CLYBL: variants seen among roughly 807,000 people sequenced by gnomAD.
The protein encoded by CLYBL is citramalyl-CoA lyase.
A neutral mutation model predicts 38.9 loss-of-function variants in CLYBL; 31 were observed. That is an observed-to-expected ratio of 0.80 (90% CI 0.60 to 1.08). The LOEUF is 1.08. Among genes scored for constraint, CLYBL ranks in the 50% least tolerant of loss-of-function variants. CLYBL has a pLI of 0.00. For missense variants in CLYBL, 434 were observed against 411.6 expected (o/e 1.05, Z -0.47); for synonymous variants, 171 against 158.6 (o/e 1.08, Z -0.59).
intron 2 of CLYBL, among the ~76,000 whole-genome samples, chr13:99,811,936 C>G (rs1204068318): frequency 6.6e-6 from 1 of 152,174 alleles, no homozygotes; most frequent in Non-Finnish European, 1.5e-5. Flanking sequence ...CAACTAGTCA[C>G]TGATATTTAT....
downstream of CLYBL, among the ~76,000 whole-genome samples, chr13:99,900,257 A>G (rs867512487): frequency 6.6e-6 from 1 of 152,140 alleles, no homozygotes; most frequent in African/African-American, 2.4e-5. Flanking sequence ...TAGATGAAGT[A>G]TATGCTCTCA....
chr13:99,818,543 T>A (rs1306851659), intron 2 of CLYBL, among the ~76,000 whole-genome samples: 2 of 152,014 alleles, frequency 1.3e-5, no homozygotes, highest in Non-Finnish European at 2.9e-5. Context: ...AAGGCACTAC[T>A]ATTATGCTAA....
intron 1 of CLYBL, among the ~76,000 whole-genome samples, chr13:99,643,456 C>T (rs1409201639): frequency 6.6e-6 from 1 of 152,142 alleles, no homozygotes; most frequent in Non-Finnish European, 1.5e-5. Context: ...AGAGCTAAAA[C>T]AGGTAGAAGC....
intron 2 of CLYBL, among the ~76,000 whole-genome samples, chr13:99,782,242 C>T (rs1240345096): frequency 6.6e-6 from 1 of 152,126 alleles, no homozygotes; most frequent in African/African-American, 2.4e-5. Context: ...TGTGGTGGCT[C>T]ACACCTGTAA....
intron 2 of CLYBL, among the ~76,000 whole-genome samples, chr13:99,856,640 T>C (rs1402248130): frequency 6.6e-6 from 1 of 152,102 alleles, no homozygotes; most frequent in Non-Finnish European, 1.5e-5. Flanking sequence ...TTTTTTGGTT[T>C]GTTTGTTTTC....
chr13:99,841,201 G>A (rs1046846547), intron 2 of CLYBL, among the ~76,000 whole-genome samples: 3 of 152,112 alleles, frequency 2.0e-5, no homozygotes, highest in Admixed American at 1.3e-4. Flanking sequence ...GAAGAATTCA[G>A]CAACCTGAAG....
chr13:99,726,992 C>T (rs1053496292), intron 1 of CLYBL, among the ~76,000 whole-genome samples: 1 of 152,186 alleles, frequency 6.6e-6, no homozygotes, highest in South Asian at 2.1e-4. Flanking sequence ...AACCCCATCT[C>T]TACTCAAAGT....
rs184985526 is a variant in CLYBL, at chr13:99,857,596, G to A, written c.250-1265G>A. The stretch of plus-strand genomic sequence containing the variant: ...TCTGACCCGACAACTCTAAGCTACC[G>A]TTTCCTCACATTGTTTAACTCAGAC... On this transcript the variant is annotated intron_variant, in intron 2 of 8. Transcript: ENST00000339105. 7.0e-4 allele frequency among the ~76,000 whole-genome samples: 107 copies of A among 152,242 alleles called. 1 individual carries two copies. Among genetic ancestry groups the A allele is most frequent in the Non-Finnish European group, 2.9e-4 (20 of 68,012 alleles).
intron 7 of CLYBL, among the ~76,000 whole-genome samples, chr13:99,883,353 T>C (rs2052265407): frequency 6.6e-6 from 1 of 151,924 alleles, no homozygotes; most frequent in African/African-American, 2.4e-5. Flanking sequence ...ACCCCATCTC[T>C]ACTAAAAATA....
intron 1 of CLYBL, among the ~76,000 whole-genome samples, chr13:99,766,680 G>A (rs1287139455): frequency 6.6e-6 from 1 of 151,846 alleles, no homozygotes; most frequent in Non-Finnish European, 1.5e-5. Flanking sequence ...TTGCTTAGAG[G>A]CTTTTTGCTG....
chr13:99,790,358 G>C (rs1050072267), intron 2 of CLYBL, among the ~76,000 whole-genome samples: 1 of 152,132 alleles, frequency 6.6e-6, no homozygotes, highest in African/African-American at 2.4e-5. Context: ...TCCATGTTTA[G>C]TGCTTCCTTC....
chr13:99,753,020 G>T (rs931794008), intron 1 of CLYBL, among the ~76,000 whole-genome samples: 1 of 152,168 alleles, frequency 6.6e-6, no homozygotes, highest in African/African-American at 2.4e-5. Context: ...CATGGGGAAG[G>T]TCCTGCTGAG....
At position 99,783,320 on chromosome 13, in the gene CLYBL, G is replaced by A. The variant is rs369127525; in HGVS notation, c.249+10310G>A. 7.9e-5 allele frequency among the ~76,000 whole-genome samples: 12 copies of A among 151,936 alleles called. No individual in the cohort carries two copies. In the East Asian group the frequency reaches 1.4e-3, roughly 17 times the overall value. On this transcript the variant is annotated intron_variant, in intron 2 of 8. Coordinates refer to ENST00000339105, the MANE Select transcript of CLYBL (RefSeq NM_206808.5). ...GGCCTCCCAAAGTACTGGAATTTCC[G>A]GTGTGAGCCGCCATGCCTGGGCCAT...
intron 1 of CLYBL, among the ~76,000 whole-genome samples, chr13:99,715,918 TG>T (rs1239196425): frequency 4.6e-5 from 7 of 152,156 alleles, no homozygotes; most frequent in African/African-American, 1.7e-4. Context: ...TCTGTTTCTG[TG>T]GATTTATACT....
chr13:99,709,581 C>T (rs909970376), intron 1 of CLYBL, among the ~76,000 whole-genome samples: 1 of 152,202 alleles, frequency 6.6e-6, no homozygotes, highest in Admixed American at 6.5e-5. Flanking sequence ...AGTTCCCTGG[C>T]TGTTTCATTC....
rs1594223399 is a variant in CLYBL, at chr13:99,853,134, A to G, written c.250-5727A>G. The stretch of plus-strand genomic sequence containing the variant: ...AGCCATTGTTCTAACATCTTTAAAA[A>G]ATATTTTTAATTGGTTGGAGACCTT... On this transcript the variant is annotated intron_variant, in intron 2 of 8. Transcript: ENST00000339105. Among the ~76,000 whole-genome samples, 7 of 150,652 alleles carry G rather than the reference A, an allele frequency of 4.6e-5. No homozygotes were observed. In the South Asian group the frequency reaches 1.5e-3, roughly 31 times the overall value.
chr13:99,906,666 C>G (rs1424303655), intron 9 of CLYBL, among the ~76,000 whole-genome samples: 1 of 152,090 alleles, frequency 6.6e-6, no homozygotes, highest in Non-Finnish European at 1.5e-5. Flanking sequence ...TCAGGTGATC[C>G]ACCCTCCTCA....
At chr13:99,661,507 ATTTT>A (rs1176059783) in intron 1 of CLYBL, among the ~76,000 whole-genome samples, 6 of 152,212 alleles carry the variant, frequency 3.9e-5, no homozygotes, top group African/African-American at 1.4e-4. Flanking sequence ...CTGTATATTT[ATTTT>A]TTTATCCCTT....
At chr13:99,892,354 T>C (rs1365239284) in intron 8 of CLYBL, 89 bp from the exon 9 acceptor site, 1 of 152,548 alleles carries the variant, frequency 6.6e-6, no homozygotes, top group South Asian at 2.1e-4. Flanking sequence ...TAAAGCTGTT[T>C]TGAAGAGGTT....
Sources: gnomAD v4.1 joint callset for allele counts (sites outside exome capture counted in the v4.1 genomes callset) on GRCh38, gnomAD v4.1.1 for gene constraint, MANE v1.5 for transcripts, NCBI Gene and HGNC (gene_info 2026-07-23, HGNC 2026-07-21) for gene names.